Variants in HSF4 observed in about 807,000 individuals in gnomAD.
HSF4 encodes heat shock factor protein 4.
HSF4 carries 41 observed loss-of-function variants against 52.0 expected under a neutral mutation model. That is an observed-to-expected ratio of 0.79 (90% confidence interval 0.61 to 1.02). The LOEUF (loss-of-function observed/expected upper bound fraction) is 1.02, where lower values mean the gene tolerates loss of function less well. Among genes scored for constraint, HSF4 ranks in the 50% least tolerant of loss-of-function variants. The pLI, the probability that HSF4 is intolerant of heterozygous loss-of-function variation, is 0.00. For synonymous variants in HSF4, 285 were observed against 273.0 expected (o/e 1.04, Z -0.43); for missense variants, 610 against 651.1 (o/e 0.94, Z 0.69).
intron 4 of HSF4, 84 bp from the exon 5 acceptor site, chr16:67,166,236 T>C (rs1329798532): frequency 9.0e-6 from 13 of 1,447,000 alleles, no homozygotes; most frequent in Non-Finnish European, 1.1e-5. Flanking sequence ...GGTGGTCTCC[T>C]GGGTCCCCAG....
At position 67,167,198 on chromosome 16, in the gene HSF4, G is replaced by C; in HGVS notation, c.705G>C (p.Leu235=). 1 of 1,614,162 alleles carries C rather than the reference G, an allele frequency of 6.2e-7. No homozygotes were observed. The highest frequency in any genetic ancestry group is 1.1e-5 in the South Asian group (1 of 91,082). Reference sequence around the variant, plus strand: ...CCTGCCCTCTACCTGGTGCCCTTCTGCAGGACCCCTACTTCATCCAGTCGG... The same window carrying C: ...CCTGCCCTCTACCTGGTGCCCTTCTCCAGGACCCCTACTTCATCCAGTCGG... ...FNTCPLPGAL[L]QDPYFIQSPL... The change falls in exon 7 of 13, where the codon CTG becomes CTC. Residue 235 remains leucine, a synonymous_variant. Transcript: ENST00000521374.
In HSF4 at chr16:67,166,595, C is replaced by G. The variant is rs751639850; in HGVS notation, c.599C>G (p.Pro200Arg). The G allele has an allele frequency of 3.1e-6, 5 of 1,613,938 alleles. No homozygotes were observed. Among genetic ancestry groups the G allele is most frequent in the African/African-American group, 1.3e-5 (1 of 74,998 alleles). Residue 200 changes from proline (P) to arginine (R), a missense_variant, in exon 6 of 13, where the codon CCG becomes CGG. Physicochemically the swap from Pro to Arg is moderately radical, Grantham distance 103. Coordinates refer to ENST00000521374, the MANE Select transcript of HSF4 (RefSeq NM_001374675.1). The part of the protein sequence containing the change: ...QCLFGPLQAG[P>R]SNAGGKRKLS... ...CTCTTTGGGCCACTTCAGGCGGGGC[C>G]GAGCAATGCAGGAGGCAAGAGAAAG... is the stretch of plus-strand genomic sequence containing the variant.
chr16:67,168,696 G>T (rs1046478869), intron 9 of HSF4, 135 bp from the exon 10 acceptor site: 2 of 713,026 alleles, frequency 2.8e-6, no homozygotes, highest in South Asian at 1.6e-5. Context: ...GGGGAGGTTG[G>T]GGGTGGAGAG....
In HSF4 at chr16:67,169,647, C is replaced by A. The variant is rs35750776; in HGVS notation, c.1341C>A (p.Leu447=). 6.2e-7 allele frequency: 1 copy of A among 1,609,560 alleles called. No individual in the cohort carries two copies. Among genetic ancestry groups the A allele is most frequent in the South Asian group, 1.1e-5 (1 of 91,080 alleles). The change falls in exon 13 of 13, where the codon CTC becomes CTA. Residue 447 remains leucine, a synonymous_variant. Transcript: ENST00000521374. This position sits in a 1 kb window ranked among gnomAD's most constrained non-coding sequence, Gnocchi z 4.3. ...TTCTCCTAGGGAAGGACCCCACGCT[C>A]GGGGCCCCACTCCTGCTGGATGTCC... The part of the protein sequence containing the change: ...NSPSPGKDPT[L]GAPLLLDVQA...
chr16:67,166,113 T>A, intron 4 of HSF4, 43 bp downstream of exon 4: 1 of 1,335,456 alleles, frequency 7.5e-7, no homozygotes, highest in Non-Finnish European at 1.0e-6. Flanking sequence ...GGTGGGGGGT[T>A]CGGGATGAGA....
At chr16:67,163,801 GGC>G, upstream of HSF4, 1 of 1,558,814 alleles carries the variant, frequency 6.4e-7, no homozygotes, top group Non-Finnish European at 8.6e-7. Context: ...CATCCCTGGA[GGC>G]CTACGCTCGT....
chr16:67,165,983 C>A lies in HSF4; in HGVS notation c.398C>A (p.Pro133Gln), dbSNP rs1341892843. Residue 133 changes from proline to glutamine, a missense_variant, in exon 4 of 13, where the codon CCG (proline) becomes CAG (glutamine). Pro to Gln is a moderately conservative substitution (Grantham distance 76). Transcript: ENST00000521374. This position sits in a 1 kb window ranked among gnomAD's most constrained non-coding sequence, Gnocchi z 6.9. ...ALRGDDGRWR[P>Q]EDLGRLLGEV... ...CGCGGCGACGACGGCCGCTGGCGCC[C>A]GGAGGACCTGGGTCGACTACTGGGC... 4 of 1,551,874 alleles carry A rather than the reference C, an allele frequency of 2.6e-6. No individual in the cohort carries two copies. The highest frequency in any genetic ancestry group is 1.2e-5 in the South Asian group (1 of 86,132).
intron 7 of HSF4, 77 bp from the exon 8 acceptor site, chr16:67,167,398 C>T: frequency 6.8e-6 from 11 of 1,612,674 alleles, no homozygotes; most frequent in Non-Finnish European, 9.3e-6. Context: ...TTAGACCTGG[C>T]CCAGGTGGGT....
chr16:67,165,969 C>A lies in HSF4; in HGVS notation c.384C>A (p.Asp128Glu), dbSNP rs1047822193. 2 of 1,559,360 alleles carry A rather than the reference C, an allele frequency of 1.3e-6. No individual in the cohort carries two copies. Among genetic ancestry groups the A allele is most frequent in the East Asian group, 2.4e-5 (1 of 42,178 alleles). ...AGGTGCCCGCGCTGCGCGGCGACGA[C>A]GGCCGCTGGCGCCCGGAGGACCTGG... ...RRKVPALRGD[D>E]GRWRPEDLGR... is the part of the protein sequence containing the mutation. Residue 128 changes from aspartate (D) to glutamate (E), a missense_variant, in exon 4 of 13, where the codon GAC becomes GAA. Physicochemically the swap from Asp to Glu is conservative, Grantham distance 45 (BLOSUM62 2). Transcript: ENST00000521374. This position sits in a 1 kb window ranked among gnomAD's most constrained non-coding sequence, Gnocchi z 6.9.
chr16:67,165,206 G>A lies in HSF4; in HGVS notation c.123+272G>A. ...ACCCCATCCGACAGATGGGAAAACA[G>A]AGGCCGGGAGATGGGAAGGGCTGGT... On this transcript the variant is annotated intron_variant, in intron 1 of 12. Coordinates refer to ENST00000521374, the MANE Select transcript of HSF4 (RefSeq NM_001374675.1). The surrounding 1 kb of genome is among the most constrained non-coding windows in gnomAD (Gnocchi z 6.9). 1.7e-6 allele frequency: 1 copy of A among 593,022 alleles called. No individual in the cohort carries two copies. The highest frequency in any genetic ancestry group is 3.0e-6 in the Non-Finnish European group (1 of 333,620). 36.7% of individuals were successfully genotyped at this position (593,022 alleles called of 1,614,324 possible).
In HSF4 at chr16:67,165,819, G is replaced by A. The variant is rs1567668517; in HGVS notation, c.333G>A (p.Glu111=). ...ACCCGAGCTTCGTGCGCGGCCGCGA[G>A]CAGCTACTGGAGCGCGTGCGGCGCA... ...FQHPSFVRGR[E]QLLERVRRKV... The change falls in exon 3 of 13, where the codon GAG becomes GAA. Residue 111 remains glutamate (E), a synonymous_variant. Coordinates refer to ENST00000521374, the MANE Select transcript of HSF4 (RefSeq NM_001374675.1). The surrounding 1 kb of genome is among the most constrained non-coding windows in gnomAD (Gnocchi z 6.9). The A allele has an allele frequency of 6.2e-7, 1 of 1,607,312 alleles. No homozygotes were observed. The highest frequency in any genetic ancestry group is 8.5e-7 in the Non-Finnish European group (1 of 1,179,500).
intron 8 of HSF4, 41 bp downstream of exon 8, chr16:67,167,640 G>T: frequency 6.2e-7 from 1 of 1,612,572 alleles, no homozygotes; most frequent in Non-Finnish European, 8.5e-7. Context: ...CTGTGGGGGA[G>T]GGCCTGGCAG....
Position 67,168,728 on chromosome 16 carries a change from C to G in HSF4, c.1083-103C>G. 1.9e-5 allele frequency: 17 copies of G among 879,004 alleles called. No homozygotes were observed. In the South Asian group the frequency reaches 2.1e-4, roughly 11 times the overall value. The allele number at this position is 879,004 out of a possible 1,614,324, so 54.5% of individuals were successfully genotyped here. A position where few individuals can be genotyped will look rare whatever the true frequency, so the allele number is the denominator to read the frequency against. On this transcript the variant is annotated intron_variant, in intron 9 of 12. Coordinates refer to ENST00000521374, the MANE Select transcript of HSF4 (RefSeq NM_001374675.1). ...AGAGAGGATGGGGATCCTCTCCTAT[C>G]ATTTTCTAAAGATTGGGGGATTAAA...
intron 8 of HSF4, 42 bp downstream of exon 8, chr16:67,167,641 G>A (rs749347008): frequency 1.2e-6 from 2 of 1,612,564 alleles, no homozygotes; most frequent in South Asian, 1.1e-5. Context: ...TGTGGGGGAG[G>A]GCCTGGCAGC....
rs868319660 is a variant in HSF4 at position 67,165,925 on chromosome 16, G to A, written c.361-21G>A. ...TGCCTTGCTCCTGCGACCCAGTCCC[G>A]ACGGTGCCTCCCGCCTGCAGGTGCC... On this transcript the variant is annotated intron_variant, in intron 3 of 12. Coordinates refer to ENST00000521374, the MANE Select transcript of HSF4 (RefSeq NM_001374675.1). This position sits in a 1 kb window ranked among gnomAD's most constrained non-coding sequence, Gnocchi z 6.9. 1.9e-6 allele frequency: 3 copies of A among 1,583,186 alleles called. No individual in the cohort carries two copies. The highest frequency in any genetic ancestry group is 2.7e-5 in the African/African-American group (2 of 74,564).
intron 8 of HSF4, 53 bp from the exon 9 acceptor site, chr16:67,167,667 G>A: frequency 6.2e-7 from 1 of 1,612,132 alleles, no homozygotes; most frequent in Non-Finnish European, 8.5e-7. Context: ...TGGCTGTAGG[G>A]GTAGAGGGAG....
In HSF4 at chr16:67,169,365, C is replaced by T; in HGVS notation, c.1324+17C>T. 6.2e-7 allele frequency: 1 copy of T among 1,610,302 alleles called. No individual in the cohort carries two copies. The highest frequency in any genetic ancestry group is 2.2e-5 in the East Asian group (1 of 44,764). ...CAAGCCCAGGTAATGGTTGTGATGA[C>T]TCCTACCTGGGAGGACGCCGTGATT... On this transcript the variant is annotated intron_variant, in intron 12 of 12. Coordinates refer to ENST00000521374, the MANE Select transcript of HSF4 (RefSeq NM_001374675.1). The surrounding 1 kb of genome is among the most constrained non-coding windows in gnomAD (Gnocchi z 4.3).
At position 67,165,700 on chromosome 16, in the gene HSF4, C is replaced by T. The variant is rs750219778; in HGVS notation, c.233-19C>T. The T allele has an allele frequency of 3.7e-6, 6 of 1,611,912 alleles. No individual in the cohort carries two copies. In the African/African-American group the frequency reaches 4.0e-5, roughly 11 times the overall value. ...TGCCGGGGATGGGGCGACCCACGCCCCCACGCCCCACTCCCCAGACGGTTT... is the reference window on the plus strand; with the variant it reads ...TGCCGGGGATGGGGCGACCCACGCCTCCACGCCCCACTCCCCAGACGGTTT... On this transcript the variant is annotated intron_variant, in intron 2 of 12. Coordinates refer to ENST00000521374, the MANE Select transcript of HSF4 (RefSeq NM_001374675.1). This position sits in a 1 kb window ranked among gnomAD's most constrained non-coding sequence, Gnocchi z 6.9.
Position 67,164,856 on chromosome 16 carries a change from C to A in HSF4, c.45C>A (p.Ser15Arg). The A allele has an allele frequency of 6.2e-7, 1 of 1,605,310 alleles. No individual in the cohort carries two copies. Among genetic ancestry groups the A allele is most frequent in the Non-Finnish European group, 8.5e-7 (1 of 1,178,612 alleles). The change falls in exon 1 of 13, where the codon AGC becomes AGA. Residue 15 changes from serine (S) to arginine (R), a missense_variant. Coordinates refer to ENST00000521374, the MANE Select transcript of HSF4 (RefSeq NM_001374675.1). ...PAALPTEPGP[S>R]PVPAFLGKLW... ...CGCTGCCCACGGAGCCAGGCCCCAG[C>A]CCCGTGCCTGCCTTCCTCGGCAAGC...
Sources: allele counts gnomAD v4.1 joint callset, GRCh38; gene constraint gnomAD v4.1.1; non-coding constraint Gnocchi (gnomAD v3.1); transcripts MANE v1.5; gene names NCBI Gene and HGNC (gene_info 2026-07-23, HGNC 2026-07-21).